The following NUFIP2 variants were observed in gnomAD, a reference collection of about 807,000 sequenced individuals.
NUFIP2 encodes FMR1-interacting protein NUFIP2.
NUFIP2 carries 6 observed loss-of-function variants against 56.9 expected under a neutral mutation model. The observed-to-expected ratio is 0.11, with a 90% CI of 0.06 to 0.21. The LOEUF (loss-of-function observed/expected upper bound fraction) is 0.21. Among genes scored for constraint, NUFIP2 ranks in the 10% least tolerant of loss-of-function variants. NUFIP2 has a pLI of 1.00. For missense variants in NUFIP2, 828 were observed against 826.8 expected, an observed-to-expected ratio of 1.00 and a Z score of -0.02; for synonymous variants, 321 against 298.2, an observed-to-expected ratio of 1.08 and a Z score of -0.79.
intron 2 of NUFIP2, among the ~76,000 whole-genome samples, chr17:29,284,146 G>C (rs927285309): frequency 6.6e-6 from 1 of 152,118 alleles, no homozygotes; most frequent in East Asian, 1.9e-4. Flanking sequence ...CCCTGCAATT[G>C]TAAGTCACTG....
chr17:29,292,142 A>G (rs1456548997), intron 1 of NUFIP2, among the ~76,000 whole-genome samples: 1 of 152,076 alleles, frequency 6.6e-6, no homozygotes, highest in East Asian at 1.9e-4. Flanking sequence ...GTTTATTAAG[A>G]TTAGTTTGGG....
intron 2 of NUFIP2, among the ~76,000 whole-genome samples, chr17:29,274,888 T>A (rs1038464774): frequency 2.0e-5 from 3 of 152,024 alleles, no homozygotes; most frequent in Admixed American, 1.3e-4. Context: ...GTCCATATCA[T>A]CTAATGACAA....
chr17:29,285,721 T>C (rs1484717022), intron 2 of NUFIP2, among the ~76,000 whole-genome samples: 1 of 151,762 alleles, frequency 6.6e-6, no homozygotes, highest in Admixed American at 6.6e-5. Flanking sequence ...TTTAAGCAAG[T>C]TCTCCTCACT....
At chr17:29,289,922 G>A (rs955759387) in intron 1 of NUFIP2, among the ~76,000 whole-genome samples, 3 of 152,088 alleles carry the variant, frequency 2.0e-5, no homozygotes, top group Non-Finnish European at 4.4e-5. Flanking sequence ...TCTTATAACA[G>A]TTATTTTTTT....
chr17:29,283,765 A>G (rs867062864), intron 2 of NUFIP2, among the ~76,000 whole-genome samples: 7 of 152,370 alleles, frequency 4.6e-5, no homozygotes, highest in Middle Eastern at 3.4e-3. Flanking sequence ...TAACTAATGT[A>G]TAACACATGT....
At chr17:29,283,316 C>T (rs974669597) in intron 2 of NUFIP2, among the ~76,000 whole-genome samples, 2 of 152,146 alleles carry the variant, frequency 1.3e-5, no homozygotes, top group Non-Finnish European at 2.9e-5. Flanking sequence ...TAACCAGTTA[C>T]CTAATGGAAC....
intron 2 of NUFIP2, among the ~76,000 whole-genome samples, chr17:29,271,447 G>GA (rs2069071663): frequency 6.6e-6 from 1 of 151,776 alleles, no homozygotes; most frequent in Non-Finnish European, 1.5e-5. Context: ...TAAGGCAGGA[G>GA]AATCACTTGA....
chr17:29,293,712 T>C (rs2153013263), intron 1 of NUFIP2, 71 bp downstream of exon 1: 1 of 1,419,310 alleles, frequency 7.0e-7, no homozygotes, highest in Non-Finnish European at 9.4e-7. Flanking sequence ...GCTTTTCGGA[T>C]CCAGCCCCAC....
chr17:29,287,624 G>A lies in NUFIP2; in HGVS notation c.370C>T (p.Leu124Phe), dbSNP rs2069185953. 6.2e-7 allele frequency: 1 copy of A among 1,613,932 alleles called. No individual in the cohort carries two copies. Among genetic ancestry groups the A allele is most frequent in the Non-Finnish European group, 8.5e-7 (1 of 1,180,010 alleles). Residue 124 changes from leucine to phenylalanine, a missense_variant, in exon 2 of 4, where the codon CTC (leucine) becomes TTC (phenylalanine). By Grantham distance (22) the Leu-to-Phe change is conservative. Transcript: ENST00000225388. ...DEATNPISRVLNGNQQVVDTS... is the reference protein window; with the variant it reads ...DEATNPISRVFNGNQQVVDTS... ...TCTACAACTTGCTGGTTGCCATTGAGGACCCTGGAAATAGGGTTGGTGGCT... is the reference window on the plus strand; with the variant it reads ...TCTACAACTTGCTGGTTGCCATTGAAGACCCTGGAAATAGGGTTGGTGGCT...
intron 2 of NUFIP2, among the ~76,000 whole-genome samples, chr17:29,268,819 A>C (rs2069054653): frequency 6.6e-6 from 1 of 152,030 alleles, no homozygotes; most frequent in African/African-American, 2.4e-5. Context: ...ATCAGCCACC[A>C]CACCCAGCCC....
chr17:29,280,430 C>G (rs1410073608), intron 2 of NUFIP2, among the ~76,000 whole-genome samples: 1 of 152,184 alleles, frequency 6.6e-6, no homozygotes, highest in Non-Finnish European at 1.5e-5. Flanking sequence ...GGTATGTACA[C>G]TAAGAGCCAT....
rs1424595994 is a variant in NUFIP2, at chr17:29,264,210, T to G, written c.*329A>C. ...AGCAGGAACTTTAGAACCACACTTG[T>G]TAAGTCTGTATTCATTAATCACTTG... On this transcript the variant is annotated 3_prime_UTR_variant, in exon 4 of 4. Transcript: ENST00000225388. 6.5e-6 allele frequency: 1 copy of G among 153,082 alleles called. No individual in the cohort carries two copies. Among genetic ancestry groups the G allele is most frequent in the Non-Finnish European group, 1.5e-5 (1 of 68,398 alleles). 9.5% of individuals were successfully genotyped at this position (153,082 alleles called of 1,614,324 possible).
chr17:29,288,827 C>A (rs1471821455), intron 1 of NUFIP2, among the ~76,000 whole-genome samples: 1 of 152,192 alleles, frequency 6.6e-6, no homozygotes, highest in Non-Finnish European at 1.5e-5. Context: ...TAAAAAGAAT[C>A]CAATTTTTTA....
chr17:29,288,844 T>C (rs1197374545), intron 1 of NUFIP2, among the ~76,000 whole-genome samples: 3 of 152,258 alleles, frequency 2.0e-5, no homozygotes, highest in African/African-American at 4.8e-5. Context: ...TTTAGTGTTA[T>C]GGTATTCAGG....
In NUFIP2 at chr17:29,287,386, A is replaced by G. The variant is rs1567681884; in HGVS notation, c.608T>C (p.Met203Thr). 1.2e-6 allele frequency: 2 copies of G among 1,614,076 alleles called. No individual in the cohort carries two copies. Among genetic ancestry groups the G allele is most frequent in the Non-Finnish European group, 8.5e-7 (1 of 1,179,968 alleles). The change falls in exon 2 of 4, where the codon ATG becomes ACG. Residue 203 changes from methionine to threonine, a missense_variant. By Grantham distance (81) the Met-to-Thr change is moderately conservative. This residue lies in a region of NUFIP2 where 415 missense variants were observed against 408.7 expected (regional missense o/e 1.02). Transcript: ENST00000225388. ...ACCATCATTATCTGCTCCTTTACCC[A>G]TATAACCATTAGTAATATAACCAGA... ...NNSGYITNGYMGKGADNDGSG... is the reference protein window; with the variant it reads ...NNSGYITNGYTGKGADNDGSG...
At position 29,255,995 on chromosome 17, in the gene NUFIP2, C is replaced by T. The variant is rs1287918678; in HGVS notation, c.*8544G>A. 2.0e-5 allele frequency: 3 copies of T among 152,084 alleles called. No individual in the cohort carries two copies. Among genetic ancestry groups the T allele is most frequent in the African/African-American group, 7.2e-5 (3 of 41,414 alleles). 9.4% of individuals were successfully genotyped at this position (152,084 alleles called of 1,614,324 possible). A position where few individuals can be genotyped will look rare whatever the true frequency, so the allele number is the denominator to read the frequency against. On this transcript the variant is annotated 3_prime_UTR_variant, in exon 4 of 4. Coordinates refer to ENST00000225388, the MANE Select transcript of NUFIP2 (RefSeq NM_020772.3). Reference sequence around the variant, plus strand: ...TTTAAAACACTGAACATGATGAAGACATCAATAAAGGAAGATCATCACGTA... The same window carrying T: ...TTTAAAACACTGAACATGATGAAGATATCAATAAAGGAAGATCATCACGTA...
At chr17:29,264,922 A>T (rs2069025531) in intron 3 of NUFIP2, among the ~76,000 whole-genome samples, 1 of 152,238 alleles carries the variant, frequency 6.6e-6, no homozygotes, top group Admixed American at 6.5e-5. Context: ...GCAGCCAAAG[A>T]AAAAAGCTTG....
Position 29,260,729 on chromosome 17 carries a change from A to G in NUFIP2, c.*3810T>C, listed in dbSNP as rs1000398472. 6.6e-6 allele frequency: 1 copy of G among 152,216 alleles called. No homozygotes were observed. Among genetic ancestry groups the G allele is most frequent in the Non-Finnish European group, 1.5e-5 (1 of 68,030 alleles). The allele number at this position is 152,216 out of a possible 1,614,324, so 9.4% of individuals were successfully genotyped here. Reference sequence around the variant, plus strand: ...ACAACTCCCATAGTTGAGGTTTGTCATATTTTCCCTACAAACTGTTATTTG... The same window carrying G: ...ACAACTCCCATAGTTGAGGTTTGTCGTATTTTCCCTACAAACTGTTATTTG... On this transcript the variant is annotated 3_prime_UTR_variant, in exon 4 of 4. Coordinates refer to ENST00000225388, the MANE Select transcript of NUFIP2 (RefSeq NM_020772.3).
chr17:29,290,857 T>C (rs1567682848), intron 1 of NUFIP2, among the ~76,000 whole-genome samples: 1 of 151,844 alleles, frequency 6.6e-6, no homozygotes, highest in Non-Finnish European at 1.5e-5. Context: ...CAGATTTCAA[T>C]TAAAGATGAG....
Sources: gnomAD v4.1 joint callset for allele counts (sites outside exome capture counted in the v4.1 genomes callset) on GRCh38, gnomAD v4.1.1 for gene constraint, gnomAD v4.1.1 regional missense constraint, MANE v1.5 for transcripts, NCBI Gene and HGNC (gene_info 2026-07-23, HGNC 2026-07-21) for gene names.